The following PARD3B variants were observed in gnomAD, a reference collection of about 807,000 sequenced individuals.
PARD3B encodes partitioning defective 3 homolog B.
PARD3B carries 103 observed loss-of-function variants against 130.2 expected under a neutral mutation model. The ratio of observed to expected loss-of-function variants is 0.79; its 90% CI spans 0.67 to 0.93. The LOEUF is 0.93. Among genes scored for constraint, PARD3B ranks in the 40% least tolerant of loss-of-function variants. The pLI is 0.00. For missense variants in PARD3B, 1,609 were observed against 1,499.2 expected, an observed-to-expected ratio of 1.07 and a Z score of -1.21; for synonymous variants, 583 against 553.2, an observed-to-expected ratio of 1.05 and a Z score of -0.76.
chr2:204,824,588 A>T (rs1181784347), intron 2 of PARD3B, among the ~76,000 whole-genome samples: 2 of 152,146 alleles, frequency 1.3e-5, no homozygotes, highest in Non-Finnish European at 2.9e-5. Flanking sequence ...CTTCTCCATC[A>T]CATAGTCTTC....
chr2:205,054,436 A>ATATATATAT (rs1411271901), intron 4 of PARD3B, among the ~76,000 whole-genome samples: 4 of 28,440 alleles, frequency 1.4e-4, no homozygotes, highest in South Asian at 2.7e-3. Flanking sequence ...ATATATATAT[A>ATATATATAT]TTTTTTTTTT....
Position 204,673,783 on chromosome 2 carries a change from T to G in PARD3B, c.121-12398T>G, listed in dbSNP as rs113459874. Among the ~76,000 whole-genome samples the G allele has an allele frequency of 0.019, 2,873 of 152,356 alleles. 44 individuals are homozygous for G. Among genetic ancestry groups the G allele is most frequent in the Middle Eastern group, 0.071 (21 of 294 alleles). ...TCACGTATGTATTTTGTTTGTTAAT[T>G]ATTGTCTTCTCCCTTCACTAAAATT... On this transcript the variant is annotated intron_variant, in intron 1 of 22. Transcript: ENST00000406610. This position sits in a 1 kb window ranked among gnomAD's most constrained non-coding sequence, Gnocchi z 4.7.
At chr2:205,250,023 C>T (rs916221479) in intron 16 of PARD3B, among the ~76,000 whole-genome samples, 1 of 151,160 alleles carries the variant, frequency 6.6e-6, no homozygotes, top group Non-Finnish European at 1.5e-5. Flanking sequence ...CATTAGGATC[C>T]AGAGAAAATG....
At chr2:205,175,992 T>C (rs1195998418) in intron 12 of PARD3B, among the ~76,000 whole-genome samples, 1 of 152,140 alleles carries the variant, frequency 6.6e-6, no homozygotes, top group Non-Finnish European at 1.5e-5. Flanking sequence ...GACACACTGG[T>C]GGTATTTCAG....
At chr2:205,432,433 T>C (rs2047370146) in intron 19 of PARD3B, among the ~76,000 whole-genome samples, 1 of 152,128 alleles carries the variant, frequency 6.6e-6, no homozygotes, top group Non-Finnish European at 1.5e-5. Context: ...CCAGGCCCTG[T>C]TTGCCCTAAG....
chr2:205,413,146 C>T (rs1320589906), intron 19 of PARD3B, among the ~76,000 whole-genome samples: 1 of 152,052 alleles, frequency 6.6e-6, no homozygotes, highest in Non-Finnish European at 1.5e-5. Context: ...ACTTTCTGAT[C>T]TTGATCATTT....
chr2:204,688,071 A>G (rs2037173359), intron 2 of PARD3B, among the ~76,000 whole-genome samples: 1 of 152,154 alleles, frequency 6.6e-6, no homozygotes, highest in Non-Finnish European at 1.5e-5. Context: ...CTCTGTTTTA[A>G]TGGGACTCTA....
At chr2:205,483,098 A>G (rs6739203) in intron 20 of PARD3B, among the ~76,000 whole-genome samples, 3,956 of 152,222 alleles carry the variant, frequency 0.026, 173 homozygotes, top group African/African-American at 0.091. Context: ...ATTCAAGTGC[A>G]TGCCTCTCTC....
At chr2:204,738,918 T>C (rs1037057025) in intron 2 of PARD3B, among the ~76,000 whole-genome samples, 1 of 152,196 alleles carries the variant, frequency 6.6e-6, no homozygotes, top group Admixed American at 6.5e-5. Flanking sequence ...AACTGTATCA[T>C]ATAACATAAA....
chr2:205,493,535 C>T (rs1370216480), intron 20 of PARD3B, among the ~76,000 whole-genome samples: 2 of 151,800 alleles, frequency 1.3e-5, no homozygotes, highest in African/African-American at 4.8e-5. Context: ...ATAGTAACTT[C>T]ATAAAAAATT....
At chr2:205,548,931 C>T (rs2052496821) in intron 21 of PARD3B, among the ~76,000 whole-genome samples, 1 of 151,926 alleles carries the variant, frequency 6.6e-6, no homozygotes, top group African/African-American at 2.4e-5. Flanking sequence ...AGAAAACAAC[C>T]TAAATAAAAA....
At chr2:205,464,996 G>A (rs1000179866) in intron 20 of PARD3B, among the ~76,000 whole-genome samples, 10 of 152,142 alleles carry the variant, frequency 6.6e-5, no homozygotes, top group South Asian at 2.1e-4. Flanking sequence ...TGTACTGCAC[G>A]ATAACAATGA....
intron 2 of PARD3B, among the ~76,000 whole-genome samples, chr2:204,750,880 C>T (rs545398321): frequency 6.6e-6 from 1 of 152,100 alleles, no homozygotes. Flanking sequence ...GTAACTCTTG[C>T]AAAGGCTTTA....
intron 18 of PARD3B, among the ~76,000 whole-genome samples, chr2:205,336,891 A>G (rs978597978): frequency 6.6e-6 from 1 of 151,074 alleles, no homozygotes; most frequent in Non-Finnish European, 1.5e-5. Context: ...TATTAGCCAT[A>G]TTGTCAGTAT....
intron 18 of PARD3B, among the ~76,000 whole-genome samples, chr2:205,335,027 G>A (rs1252834311): frequency 6.6e-6 from 1 of 152,130 alleles, no homozygotes; most frequent in Non-Finnish European, 1.5e-5. Flanking sequence ...TCCTTTTAAA[G>A]GCAAGAGTAT....
intron 16 of PARD3B, among the ~76,000 whole-genome samples, chr2:205,272,591 A>G (rs893040175): frequency 8.5e-5 from 13 of 152,182 alleles, no homozygotes; most frequent in African/African-American, 2.9e-4. Flanking sequence ...CAGGCAGGCT[A>G]GGGTTGGTAC....
At chr2:204,779,622 CT>C (rs1245070164) in intron 2 of PARD3B, among the ~76,000 whole-genome samples, 1 of 152,086 alleles carries the variant, frequency 6.6e-6, no homozygotes, top group Non-Finnish European at 1.5e-5. Flanking sequence ...TAATCTTTGC[CT>C]TTTGTTATTT....
chr2:204,945,804 C>T (rs909506452), intron 2 of PARD3B, among the ~76,000 whole-genome samples: 13 of 152,210 alleles, frequency 8.5e-5, no homozygotes, highest in Non-Finnish European at 1.9e-4. Context: ...CTTTCTGTCT[C>T]TAACCTTTCA....
chr2:205,504,408 T>A (rs2050271055), intron 21 of PARD3B, among the ~76,000 whole-genome samples: 1 of 152,080 alleles, frequency 6.6e-6, no homozygotes, highest in Admixed American at 6.5e-5. Context: ...CTAATTAAAC[T>A]AAAGAGCTTC....
Sources: allele counts gnomAD v4.1 joint callset (sites outside exome capture counted in the v4.1 genomes callset), GRCh38; gene constraint gnomAD v4.1.1; non-coding constraint Gnocchi (gnomAD v3.1); transcripts MANE v1.5; gene names NCBI Gene and HGNC (gene_info 2026-07-23, HGNC 2026-07-21).